The following PCDHGA4 variants were observed in gnomAD, a reference collection of about 807,000 sequenced individuals.
The protein encoded by PCDHGA4 is protocadherin gamma-A4.
A neutral mutation model predicts 54.6 loss-of-function variants in PCDHGA4; 38 were observed. That is an observed-to-expected ratio of 0.70 (90% CI 0.54 to 0.91). The LOEUF (loss-of-function observed/expected upper bound fraction) is 0.91, where lower values mean the gene tolerates loss of function less well. PCDHGA4 is among the 40% of genes least tolerant of loss of function. The pLI, the probability that PCDHGA4 is intolerant of heterozygous loss-of-function variation, is 0.00. For synonymous variants in PCDHGA4, 511 were observed against 512.9 expected (o/e 1.00, Z 0.05); for missense variants, 1,298 against 1,220.9 (o/e 1.06, Z -0.94).
chr5:141,379,052 T>A (rs1247302234), intron 1 of PCDHGA4: 1 of 152,238 alleles, frequency 6.6e-6, no homozygotes. Flanking sequence ...TATTATAGAA[T>A]GGATTGGCCA....
intron 1 of PCDHGA4, chr5:141,419,278 A>G: frequency 6.2e-7 from 1 of 1,614,038 alleles, no homozygotes; most frequent in Non-Finnish European, 8.5e-7. Context: ...CCATAGCGCA[A>G]GTCAGTGCCT....
Position 141,486,971 on chromosome 5 carries a change from T to G in PCDHGA4, c.2515-7836T>G. ...AAAGGTGACTGCTGTGGACTTGGAT[T>G]CAGGTTACAATGCTTGGGTTTCCTA... On this transcript the variant is annotated intron_variant, in intron 1 of 3. Transcript: ENST00000571252. The surrounding 1 kb of genome is among the most constrained non-coding windows in gnomAD (Gnocchi z 5.0). The G allele has an allele frequency of 6.2e-7, 1 of 1,614,220 alleles. No homozygotes were observed. The highest frequency in any genetic ancestry group is 8.5e-7 in the Non-Finnish European group (1 of 1,180,042).
rs554075435 is a variant in PCDHGA4, at chr5:141,355,372, G to A, written c.265G>A (p.Glu89Lys). The change falls in exon 1 of 4, where the codon GAG (glutamate) becomes AAG (lysine). Residue 89 changes from glutamate (E) to lysine (K), a missense_variant. Coordinates refer to ENST00000571252, the MANE Select transcript of PCDHGA4 (RefSeq NM_018917.4). ...IAKDLGLAPR[E>K]LAERGVRIVS... Reference sequence around the variant, plus strand: ...CAAGGACCTGGGGTTGGCGCCCCGGGAGCTGGCGGAGCGCGGAGTCCGCAT... The same window carrying A: ...CAAGGACCTGGGGTTGGCGCCCCGGAAGCTGGCGGAGCGCGGAGTCCGCAT... 1 of 1,614,030 alleles carries A rather than the reference G, an allele frequency of 6.2e-7. No homozygotes were observed. Among genetic ancestry groups the A allele is most frequent in the African/African-American group, 1.3e-5 (1 of 75,062 alleles).
At chr5:141,452,411 A>G (rs965622061) in intron 1 of PCDHGA4, among the ~76,000 whole-genome samples, 8 of 152,200 alleles carry the variant, frequency 5.3e-5, no homozygotes, top group African/African-American at 1.9e-4. Context: ...GGTGTGAGGT[A>G]TGCTCACTGC....
intron 1 of PCDHGA4, among the ~76,000 whole-genome samples, chr5:141,373,541 T>A (rs1769670522): frequency 6.6e-6 from 1 of 152,216 alleles, no homozygotes. Context: ...TGTTTGTGGT[T>A]GTTGGTACCC....
At position 141,476,453 on chromosome 5, in the gene PCDHGA4, G is replaced by A. The variant is rs1432113874; in HGVS notation, c.2515-18354G>A. 3 of 1,614,138 alleles carry A rather than the reference G, an allele frequency of 1.9e-6. No individual in the cohort carries two copies. The East Asian group carries it at 6.7e-5, about 36-fold the overall frequency. ...CACTGTAACTCTGGAGTTGGTAGTG[G>A]AGAACCCGCTGGAGCTGTTCAGCGT... On this transcript the variant is annotated intron_variant, in intron 1 of 3. Transcript: ENST00000571252. The surrounding 1 kb of genome is among the most constrained non-coding windows in gnomAD (Gnocchi z 7.6).
intron 1 of PCDHGA4, chr5:141,441,260 A>G (rs1217151195): frequency 1.3e-5 from 2 of 152,222 alleles, no homozygotes; most frequent in Non-Finnish European, 2.9e-5. Context: ...AAATCACAAG[A>G]TCTGGATTCG....
chr5:141,421,904 C>T (rs1561797509), intron 1 of PCDHGA4: 1 of 1,613,734 alleles, frequency 6.2e-7, no homozygotes, highest in Admixed American at 1.7e-5. Flanking sequence ...CGAAAGGGCG[C>T]AGTTCCCATT....
At chr5:141,443,317 C>CA (rs35054295) in intron 1 of PCDHGA4, among the ~76,000 whole-genome samples, 76,100 of 141,790 alleles carry the variant, frequency 0.54, 21,234 homozygotes, top group African/African-American at 0.75. Flanking sequence ...CCCATCTCTA[C>CA]AAAAAAAAAA....
intron 1 of PCDHGA4, chr5:141,427,048 C>T (rs1257232583): frequency 4.4e-6 from 2 of 457,350 alleles, no homozygotes; most frequent in South Asian, 1.5e-5. Context: ...AATGTGCCCC[C>T]AGGCACCTCT....
intron 1 of PCDHGA4, chr5:141,441,206 C>T (rs750648706): frequency 3.3e-5 from 5 of 152,150 alleles, no homozygotes; most frequent in African/African-American, 4.8e-5. Context: ...GATTCTGCAC[C>T]TTGGACAGTA....
chr5:141,496,783 C>T (rs572860852), intron 2 of PCDHGA4, among the ~76,000 whole-genome samples: 1 of 152,162 alleles, frequency 6.6e-6, no homozygotes, highest in East Asian at 1.9e-4. Context: ...GAGCAGGGCC[C>T]TGTGCTAAAC....
intron 1 of PCDHGA4, chr5:141,423,694 T>C (rs1008861889): frequency 1.3e-6 from 2 of 1,501,552 alleles, no homozygotes; most frequent in Middle Eastern, 1.8e-4. Flanking sequence ...TAATTGTTGG[T>C]GTCTTGGCAC....
chr5:141,355,630 G>A lies in PCDHGA4; in HGVS notation c.523G>A (p.Glu175Lys), dbSNP rs189922397. Reference sequence around the variant, plus strand: ...AGAACAGAGGGAAATAAAAGTTGCTGAAAATGAAAATCCTGGGGCAAGATT... The same window carrying A: ...AGAACAGAGGGAAATAAAAGTTGCTAAAAATGAAAATCCTGGGGCAAGATT... ...GTEQREIKVA[E>K]NENPGARFPL... Residue 175 changes from glutamate to lysine, a missense_variant, in exon 1 of 4, where the codon GAA becomes AAA. Physicochemically the swap from Glu to Lys is moderately conservative, Grantham distance 56 (BLOSUM62 1). Coordinates refer to ENST00000571252, the MANE Select transcript of PCDHGA4 (RefSeq NM_018917.4). The A allele has an allele frequency of 1.9e-6, 3 of 1,613,990 alleles. No homozygotes were observed. In the Admixed American group the frequency reaches 5.0e-5, roughly 27 times the overall value.
In PCDHGA4 at chr5:141,385,248, G is replaced by T; in HGVS notation, c.2514+27627G>T. 6.2e-7 allele frequency: 1 copy of T among 1,613,854 alleles called. No individual in the cohort carries two copies. The highest frequency in any genetic ancestry group is 8.5e-7 in the Non-Finnish European group (1 of 1,179,720). The stretch of plus-strand genomic sequence containing the variant: ...ATGTAGACATGCTCATCAGCCAGGA[G>T]AGCTGTGAGAAAAATGATTCTTTGC... On this transcript the variant is annotated intron_variant, in intron 1 of 3. Coordinates refer to ENST00000571252, the MANE Select transcript of PCDHGA4 (RefSeq NM_018917.4).
At chr5:141,366,709 G>C in intron 1 of PCDHGA4, 4 of 1,614,228 alleles carry the variant, frequency 2.5e-6, no homozygotes, top group Non-Finnish European at 2.5e-6. Flanking sequence ...CTCTTCTGAT[G>C]TCTGATAAGG....
chr5:141,362,316 T>G (rs1561526440), intron 1 of PCDHGA4: 1 of 1,614,050 alleles, frequency 6.2e-7, no homozygotes, highest in South Asian at 1.1e-5. Context: ...GGGACTGTTT[T>G]CAGCCTGGTC....
intron 1 of PCDHGA4, chr5:141,385,371 T>C: frequency 2.6e-6 from 4 of 1,529,296 alleles, no homozygotes; most frequent in Non-Finnish European, 3.5e-6. Context: ...ATTTGCATGA[T>C]ATTTCTCTAT....
chr5:141,421,425 C>T, intron 1 of PCDHGA4: 1 of 1,614,100 alleles, frequency 6.2e-7, no homozygotes, highest in Non-Finnish European at 8.5e-7. Context: ...GCGGAGTCCG[C>T]ATCGTCTCCA....
Sources: gnomAD v4.1 joint callset for allele counts (sites outside exome capture counted in the v4.1 genomes callset) on GRCh38, gnomAD v4.1.1 for gene constraint, Gnocchi (gnomAD v3.1) non-coding constraint, MANE v1.5 for transcripts, NCBI Gene and HGNC (gene_info 2026-07-23, HGNC 2026-07-21) for gene names.